CADPS: variants seen among roughly 807,000 people sequenced by gnomAD.
CADPS encodes the protein calcium-dependent secretion activator 1.
Under a neutral mutation model 167.3 loss-of-function variants are expected in CADPS, and 57 were observed. That is an observed-to-expected ratio of 0.34 (90% CI 0.28 to 0.42). The LOEUF (loss-of-function observed/expected upper bound fraction) is 0.42. Among genes scored for constraint, CADPS ranks in the 20% least tolerant of loss-of-function variants. The pLI, the probability that CADPS is intolerant of heterozygous loss-of-function variation, is 1.00. For synonymous variants in CADPS, 676 were observed against 635.3 expected, an observed-to-expected ratio of 1.06 and a Z score of -0.96; for missense variants, 1,414 against 1,738.1, an observed-to-expected ratio of 0.81 and a Z score of 3.32.
intron 1 of CADPS, among the ~76,000 whole-genome samples, chr3:62,795,792 C>A (rs2093363388): frequency 6.6e-6 from 1 of 152,130 alleles, no homozygotes; most frequent in Non-Finnish European, 1.5e-5. Context: ...GGGCTCCTAA[C>A]CAGACTTGGA....
intron 4 of CADPS, among the ~76,000 whole-genome samples, chr3:62,659,946 G>A (rs926858539): frequency 1.3e-5 from 2 of 152,114 alleles, no homozygotes; most frequent in Admixed American, 6.5e-5. Flanking sequence ...ATCATTTTCC[G>A]TGCTCTGTAA....
chr3:62,661,965 G>C, intron 4 of CADPS, among the ~76,000 whole-genome samples: 1 of 152,190 alleles, frequency 6.6e-6, no homozygotes, highest in Admixed American at 6.5e-5. Context: ...TTATGTGTGT[G>C]GGGTGGGAGG....
intron 6 of CADPS, among the ~76,000 whole-genome samples, chr3:62,614,430 G>C (rs963503674): frequency 2.3e-4 from 35 of 152,186 alleles, no homozygotes; most frequent in African/African-American, 8.2e-4. Context: ...GCATTTTAAT[G>C]ATGATTTTCT....
chr3:62,693,874 A>G (rs72876428), intron 3 of CADPS, among the ~76,000 whole-genome samples: 28,116 of 151,814 alleles, frequency 0.19, 3,428 homozygotes, highest in African/African-American at 0.35. Flanking sequence ...TTTCTGTTTC[A>G]TGATCCTATC....
intron 1 of CADPS, among the ~76,000 whole-genome samples, chr3:62,769,975 G>A (rs1012912044): frequency 2.0e-5 from 3 of 151,914 alleles, no homozygotes; most frequent in Non-Finnish European, 2.9e-5. Flanking sequence ...CACATGGCCT[G>A]GCATAAAAGA....
chr3:62,717,327 G>GT (rs1221538079), intron 3 of CADPS, among the ~76,000 whole-genome samples: 3 of 152,138 alleles, frequency 2.0e-5, no homozygotes, highest in African/African-American at 7.2e-5. Flanking sequence ...GAGTCCTGTG[G>GT]TGTTTAGCAT....
At chr3:62,497,353 T>C (rs999661009) in intron 18 of CADPS, among the ~76,000 whole-genome samples, 1 of 152,174 alleles carries the variant, frequency 6.6e-6, no homozygotes, top group East Asian at 1.9e-4. Flanking sequence ...TCTTCAAGAA[T>C]GTGTGGGTTT....
At chr3:62,796,125 G>A (rs748981998) in intron 1 of CADPS, 7 of 152,240 alleles carry the variant, frequency 4.6e-5, no homozygotes, top group Non-Finnish European at 8.8e-5. Flanking sequence ...TTTTTCGTAA[G>A]AGACAGGGTC....
At chr3:62,745,812 A>G (rs972593505) in intron 3 of CADPS, among the ~76,000 whole-genome samples, 1 of 152,238 alleles carries the variant, frequency 6.6e-6, no homozygotes, top group African/African-American at 2.4e-5. Flanking sequence ...TTAATTGTGC[A>G]TCTATTTTGT....
At chr3:62,699,859 G>GT (rs1175136719) in intron 3 of CADPS, among the ~76,000 whole-genome samples, 1 of 152,044 alleles carries the variant, frequency 6.6e-6, no homozygotes, top group Non-Finnish European at 1.5e-5. Context: ...TGCCTGGCCT[G>GT]TTTTTGTAAA....
At chr3:62,425,563 A>T (rs968438700) in intron 28 of CADPS, among the ~76,000 whole-genome samples, 1 of 152,206 alleles carries the variant, frequency 6.6e-6, no homozygotes, top group African/African-American at 2.4e-5. Context: ...TGTAGTTCTG[A>T]TGCATACCCC....
chr3:62,765,814 A>G (rs2086702013), intron 2 of CADPS, 57 bp downstream of exon 2: 1 of 1,144,052 alleles, frequency 8.7e-7, no homozygotes, highest in Admixed American at 1.8e-5. Flanking sequence ...TGCAGCTCAG[A>G]CTCCCCAGGC....
intron 1 of CADPS, among the ~76,000 whole-genome samples, chr3:62,822,756 G>C (rs1038998143): frequency 6.6e-6 from 1 of 152,014 alleles, no homozygotes; most frequent in Non-Finnish European, 1.5e-5. Flanking sequence ...GTAGGAGAAC[G>C]GCTTGAACCT....
intron 9 of CADPS, among the ~76,000 whole-genome samples, chr3:62,560,416 C>A (rs1455088071): frequency 4.6e-5 from 7 of 152,150 alleles, no homozygotes; most frequent in African/African-American, 1.7e-4. Context: ...AGGCAGTGAG[C>A]ACTGTTGTAA....
Position 62,747,163 on chromosome 3 carries a change from T to C in CADPS, c.888+6278A>G, listed in dbSNP as rs9814441. ...ATCTGTTGAATGAATGATGAAAGTA[T>C]GCTTCTAAATAAAAGGGTTTAATAT... On this transcript the variant is annotated intron_variant, in intron 3 of 29. Coordinates refer to ENST00000383710, the MANE Select transcript of CADPS (RefSeq NM_003716.4). 8.9e-3 allele frequency among the ~76,000 whole-genome samples: 1,360 copies of C among 152,358 alleles called. 26 individuals carry two copies. The highest frequency in any genetic ancestry group is 0.031 in the African/African-American group (1,284 of 41,576).
intron 1 of CADPS, among the ~76,000 whole-genome samples, chr3:62,850,202 T>TAAAA: frequency 7.3e-6 from 1 of 137,190 alleles, no homozygotes; most frequent in African/African-American, 2.6e-5. Context: ...CTATCAATTT[T>TAAAA]GTTGATCCTT....
At chr3:62,486,581 T>C (rs1320115821) in intron 21 of CADPS, among the ~76,000 whole-genome samples, 1 of 152,056 alleles carries the variant, frequency 6.6e-6, no homozygotes, top group Non-Finnish European at 1.5e-5. Flanking sequence ...GATTTTACAG[T>C]GTGCATATAT....
Position 62,572,007 on chromosome 3 carries a change from G to A in CADPS, c.1578-1069C>T, listed in dbSNP as rs184610328. Among the ~76,000 whole-genome samples, 460 of 152,230 alleles carry A rather than the reference G, an allele frequency of 3.0e-3. 1 individual carries two copies. Among genetic ancestry groups the A allele is most frequent in the Non-Finnish European group, 4.4e-3 (298 of 68,030 alleles). Reference sequence around the variant, plus strand: ...AAGAAAGGAGAGATCTGGTCATACCGAAATACATTCAAATACCGAGTTCTA... The same window carrying A: ...AAGAAAGGAGAGATCTGGTCATACCAAAATACATTCAAATACCGAGTTCTA... On this transcript the variant is annotated intron_variant, in intron 8 of 29. Transcript: ENST00000383710.
At chr3:62,564,176 T>C (rs578139420) in intron 9 of CADPS, among the ~76,000 whole-genome samples, 1 of 152,256 alleles carries the variant, frequency 6.6e-6, no homozygotes, top group African/African-American at 2.4e-5. Flanking sequence ...TAATTTTTTG[T>C]ATTTTTAGAA....
Sources: gnomAD v4.1 joint callset for allele counts (sites outside exome capture counted in the v4.1 genomes callset) on GRCh38, gnomAD v4.1.1 for gene constraint, MANE v1.5 for transcripts, NCBI Gene and HGNC (gene_info 2026-07-23, HGNC 2026-07-21) for gene names.